Variants in CERS3 observed in about 807,000 individuals in gnomAD.
The protein encoded by CERS3 is LAG1 homolog, ceramide synthase 3.
CERS3 carries 33 observed loss-of-function variants against 50.3 expected under a neutral mutation model. The ratio of observed to expected loss-of-function variants is 0.66; its 90% confidence interval spans 0.50 to 0.88. The LOEUF (loss-of-function observed/expected upper bound fraction) is 0.88, where lower values mean the gene tolerates loss of function less well. Ranked by LOEUF, CERS3 falls within the 40% of genes least tolerant of loss-of-function variation. The pLI, the probability that CERS3 is intolerant of heterozygous loss-of-function variation, is 0.00. For synonymous variants in CERS3, 176 were observed against 155.2 expected, an observed-to-expected ratio of 1.13 and a Z score of -0.99; for missense variants, 470 against 460.3, an observed-to-expected ratio of 1.02 and a Z score of -0.19.
At chr15:100,427,868 A>T (rs1190201283) in intron 11 of CERS3, among the ~76,000 whole-genome samples, 1 of 152,168 alleles carries the variant, frequency 6.6e-6, no homozygotes, top group Non-Finnish European at 1.5e-5. Flanking sequence ...CACCCCCAGG[A>T]TGGGAACAGT....
upstream of CERS3, among the ~76,000 whole-genome samples, chr15:100,530,465 C>A (rs567597918): frequency 8.3e-4 from 126 of 152,332 alleles, no homozygotes; most frequent in African/African-American, 2.9e-3. Flanking sequence ...GCCTCTGTGC[C>A]TAATGAAAGT....
chr15:100,519,382 T>C (rs1364017662), intron 2 of CERS3, among the ~76,000 whole-genome samples: 1 of 151,946 alleles, frequency 6.6e-6, no homozygotes, highest in African/African-American at 2.4e-5. Context: ...TTCATGTTCA[T>C]GAAATTTAAA....
chr15:100,502,350 C>A (rs1302927275), intron 2 of CERS3, among the ~76,000 whole-genome samples: 1 of 148,360 alleles, frequency 6.7e-6, no homozygotes. Context: ...TTGCATTAAA[C>A]AGGAATTACT....
chr15:100,401,560 TTG>T lies in CERS3; in HGVS notation c.*1151_*1152del, dbSNP rs2030537442. ...GGTATGCCTTTTATGGCCTTTTGTG[TTG>T]TGTTTCACTGTGATGCAGGCTGATT... On this transcript the variant is annotated 3_prime_UTR_variant, in exon 12 of 12. Transcript: ENST00000679737. 1 of 152,340 alleles carries T rather than the reference TTG, an allele frequency of 6.6e-6. No homozygotes were observed. The highest frequency in any genetic ancestry group is 1.5e-5 in the Non-Finnish European group (1 of 68,148). The allele number at this position is 152,340 out of a possible 1,614,324, so 9.4% of individuals were successfully genotyped here.
intron 1 of CERS3, among the ~76,000 whole-genome samples, chr15:100,541,540 C>T (rs767304366): frequency 2.6e-5 from 4 of 152,034 alleles, no homozygotes; most frequent in Admixed American, 1.3e-4. Flanking sequence ...TGGAAAGAAA[C>T]TGGAATCTTT....
At chr15:100,506,132 G>C (rs911190098) in intron 2 of CERS3, among the ~76,000 whole-genome samples, 1 of 151,812 alleles carries the variant, frequency 6.6e-6, no homozygotes, top group East Asian at 1.9e-4. Context: ...AGAAAGAATA[G>C]ACAAATGGAT....
At chr15:100,524,460 C>G (rs2036729502) in intron 1 of CERS3, among the ~76,000 whole-genome samples, 1 of 152,192 alleles carries the variant, frequency 6.6e-6, no homozygotes. Flanking sequence ...CAGAATTCCA[C>G]ATAAGGCGGA....
chr15:100,415,069 G>T (rs1261742814), intron 11 of CERS3, among the ~76,000 whole-genome samples: 1 of 152,034 alleles, frequency 6.6e-6, no homozygotes, highest in Non-Finnish European at 1.5e-5. Flanking sequence ...AACCTACAAT[G>T]AACTTAAACA....
intron 6 of CERS3, 40 bp downstream of exon 6, chr15:100,479,949 A>T: frequency 6.7e-7 from 1 of 1,484,526 alleles, no homozygotes; most frequent in African/African-American, 1.4e-5. Context: ...TTCAAAAATT[A>T]AAGACAAATT....
chr15:100,453,728 C>T (rs771230121), intron 11 of CERS3, among the ~76,000 whole-genome samples: 7 of 151,944 alleles, frequency 4.6e-5, no homozygotes, highest in East Asian at 3.9e-4. Context: ...GCAGATGGCA[C>T]GATCTTATAC....
chr15:100,407,309 G>A (rs1191290002), intron 11 of CERS3, among the ~76,000 whole-genome samples: 2 of 152,164 alleles, frequency 1.3e-5, no homozygotes, highest in Non-Finnish European at 2.9e-5. Context: ...CCCTCCAGCT[G>A]TTTGCCTTTA....
chr15:100,490,929 A>C lies in CERS3; in HGVS notation c.176T>G (p.Phe59Cys), dbSNP rs1291683832. 6.4e-7 allele frequency: 1 copy of C among 1,567,580 alleles called. No individual in the cohort carries two copies. The highest frequency in any genetic ancestry group is 8.7e-7 in the Non-Finnish European group (1 of 1,150,418). The change falls in exon 4 of 12, where the codon TTT (phenylalanine) becomes TGT (cysteine). Residue 59 changes from phenylalanine (F) to cysteine (C), a missense_variant and splice_region_variant. By Grantham distance (205) the Phe-to-Cys change is radical. Transcript: ENST00000679737. ...LLIIRRVFEK[F>C]VASPLAKSFG... Reference sequence around the variant, plus strand: ...TGATTTTGCTAGAGGTGAAGCAACAAATCTACAAAAATATGAAAAGAAAAA... The same window carrying C: ...TGATTTTGCTAGAGGTGAAGCAACACATCTACAAAAATATGAAAAGAAAAA...
chr15:100,430,067 C>T (rs559093132), intron 11 of CERS3, among the ~76,000 whole-genome samples: 1 of 152,060 alleles, frequency 6.6e-6, no homozygotes, highest in Admixed American at 6.5e-5. Flanking sequence ...AATCCCAGCA[C>T]TTTGGGAGGC....
intron 11 of CERS3, among the ~76,000 whole-genome samples, chr15:100,413,509 C>T (rs907666949): frequency 7.3e-5 from 10 of 136,304 alleles, no homozygotes; most frequent in African/African-American, 1.1e-4. Context: ...ACACAACTGA[C>T]GACTATACTA....
intron 2 of CERS3, among the ~76,000 whole-genome samples, chr15:100,513,830 T>C (rs561671418): frequency 6.6e-6 from 1 of 152,260 alleles, no homozygotes; most frequent in East Asian, 1.9e-4. Flanking sequence ...GTTCTTTTTT[T>C]AGCCTTGTGG....
At chr15:100,411,076 T>A (rs1055721476) in intron 11 of CERS3, among the ~76,000 whole-genome samples, 1 of 152,222 alleles carries the variant, frequency 6.6e-6, no homozygotes, top group Admixed American at 6.5e-5. Flanking sequence ...GTATATGTCT[T>A]CTTGTAATTG....
At chr15:100,496,558 G>T (rs1393134755) in intron 3 of CERS3, among the ~76,000 whole-genome samples, 1 of 152,118 alleles carries the variant, frequency 6.6e-6, no homozygotes, top group Non-Finnish European at 1.5e-5. Flanking sequence ...CATTACAAGA[G>T]AATTTTTTAG....
Position 100,501,789 on chromosome 15 carries a change from T to A in CERS3, c.61A>T (p.Lys21Ter). 6.2e-7 allele frequency: 1 copy of A among 1,614,132 alleles called. No individual in the cohort carries two copies. The highest frequency in any genetic ancestry group is 8.5e-7 in the Non-Finnish European group (1 of 1,179,974). The part of the protein sequence containing the change: ...LERFWLPPTI[K>*]WSDLEDHDGL... ...TCGTGATCCTCAAGATCTGACCACT[T>A]TATTGTTGGAGGAAGCCAGAATCTT... The change falls in exon 3 of 12, where the codon AAG becomes TAG. Residue 21 changes from lysine to a stop codon, truncating the protein, a stop_gained. Coordinates refer to ENST00000679737, the MANE Select transcript of CERS3 (RefSeq NM_001378789.1). LOFTEE classifies it high-confidence loss of function.
chr15:100,450,433 A>G (rs2034118444), intron 11 of CERS3, among the ~76,000 whole-genome samples: 1 of 151,016 alleles, frequency 6.6e-6, no homozygotes, highest in Admixed American at 6.6e-5. Context: ...AAAAAAAAAA[A>G]AAAAAAGACT....
Sources: allele counts gnomAD v4.1 joint callset (sites outside exome capture counted in the v4.1 genomes callset), GRCh38; gene constraint gnomAD v4.1.1; transcripts MANE v1.5; gene names NCBI Gene and HGNC (gene_info 2026-07-23, HGNC 2026-07-21).